SPAG16: variants seen among roughly 807,000 people sequenced by gnomAD.
SPAG16 encodes the protein sperm-associated antigen 16 protein.
SPAG16 carries 86 observed loss-of-function variants against 80.4 expected under a neutral mutation model. That is an observed-to-expected ratio of 1.07 (90% confidence interval 0.90 to 1.28). SPAG16 has a LOEUF of 1.28. Among genes scored for constraint, SPAG16 ranks in the 50% most tolerant of loss-of-function variants. SPAG16 has a pLI of 0.00. For missense variants in SPAG16, 870 were observed against 765.3 expected (o/e 1.14, Z -1.61); for synonymous variants, 294 against 265.9 (o/e 1.11, Z -1.03).
At chr2:213,920,921 C>T (rs543580003) in intron 11 of SPAG16, among the ~76,000 whole-genome samples, 222 of 152,318 alleles carry the variant, frequency 1.5e-3, no homozygotes, top group Middle Eastern at 0.01. Flanking sequence ...CTCAAGTATC[C>T]GTCATAGTTT....
intron 15 of SPAG16, among the ~76,000 whole-genome samples, chr2:214,350,205 T>G (rs1698306073): frequency 6.6e-6 from 1 of 152,248 alleles, no homozygotes; most frequent in African/African-American, 2.4e-5. Context: ...CTCTGAAACT[T>G]ATATCTTCCA....
At chr2:213,735,219 C>A (rs955683301) in intron 10 of SPAG16, among the ~76,000 whole-genome samples, 1 of 152,066 alleles carries the variant, frequency 6.6e-6, no homozygotes, top group African/African-American at 2.4e-5. Flanking sequence ...GGTGCTGGTT[C>A]TAGAGTCACA....
chr2:213,389,299 A>G (rs2067613030), intron 9 of SPAG16, among the ~76,000 whole-genome samples: 1 of 152,146 alleles, frequency 6.6e-6, no homozygotes, highest in Admixed American at 6.5e-5. Context: ...AAGACACAAA[A>G]CTATAAAACT....
At chr2:213,620,281 G>GTTTTTTTTTTT (rs36059669) in intron 10 of SPAG16, among the ~76,000 whole-genome samples, 3 of 82,802 alleles carry the variant, frequency 3.6e-5, no homozygotes, top group African/African-American at 1.6e-4. Context: ...AATTTATTGA[G>GTTTTTTTTTTT]TTTTTTTTTT....
intron 5 of SPAG16, among the ~76,000 whole-genome samples, chr2:213,324,280 C>A (rs1289112574): frequency 6.6e-6 from 1 of 152,012 alleles, no homozygotes; most frequent in Non-Finnish European, 1.5e-5. Context: ...ATAATTTTTA[C>A]AGTTATTTTT....
intron 9 of SPAG16, among the ~76,000 whole-genome samples, chr2:213,489,710 A>G (rs1355889405): frequency 3.9e-5 from 6 of 152,134 alleles, no homozygotes; most frequent in African/African-American, 1.4e-4. Flanking sequence ...TCAAATAGGG[A>G]GTATTTTCAA....
chr2:213,725,368 C>A (rs2066719845), intron 10 of SPAG16, among the ~76,000 whole-genome samples: 1 of 152,212 alleles, frequency 6.6e-6, no homozygotes, highest in Non-Finnish European at 1.5e-5. Context: ...CCTCACTAAT[C>A]TGATTCTTAG....
At chr2:213,845,462 C>T (rs575678649) in intron 10 of SPAG16, among the ~76,000 whole-genome samples, 1 of 152,150 alleles carries the variant, frequency 6.6e-6, no homozygotes, top group Non-Finnish European at 1.5e-5. Context: ...TCCCAAAGTG[C>T]TGGGATTACA....
chr2:214,321,004 G>A (rs554231594), intron 15 of SPAG16, among the ~76,000 whole-genome samples: 6 of 152,288 alleles, frequency 3.9e-5, no homozygotes, highest in South Asian at 4.1e-4. Flanking sequence ...GTAGAATCAC[G>A]TAAACATGTT....
intron 12 of SPAG16, among the ~76,000 whole-genome samples, chr2:213,965,774 A>G (rs1233572054): frequency 6.6e-6 from 1 of 152,222 alleles, no homozygotes; most frequent in Non-Finnish European, 1.5e-5. Flanking sequence ...GGGGACAGCT[A>G]CAAAGCTCTC....
At chr2:213,376,550 C>G (rs981463974) in intron 9 of SPAG16, among the ~76,000 whole-genome samples, 1 of 151,832 alleles carries the variant, frequency 6.6e-6, no homozygotes, top group East Asian at 1.9e-4. Context: ...TAGTATTTCT[C>G]TTAATTTTCT....
chr2:213,856,285 T>C (rs999346131), intron 10 of SPAG16, among the ~76,000 whole-genome samples: 2 of 152,186 alleles, frequency 1.3e-5, no homozygotes, highest in African/African-American at 4.8e-5. Context: ...CCCATAGCCT[T>C]GGGCAGCTCC....
At chr2:213,529,492 G>A (rs1461816536) in intron 10 of SPAG16, among the ~76,000 whole-genome samples, 2 of 152,154 alleles carry the variant, frequency 1.3e-5, no homozygotes, top group South Asian at 2.1e-4. Context: ...ACACACAGGG[G>A]TGCATCACTT....
chr2:214,171,498 C>A (rs1194335522), intron 15 of SPAG16, among the ~76,000 whole-genome samples: 1 of 151,896 alleles, frequency 6.6e-6, no homozygotes, highest in Non-Finnish European at 1.5e-5. Flanking sequence ...TTATTGAGGG[C>A]CTTTGACTCT....
At chr2:214,150,532 A>G (rs931248339) in intron 15 of SPAG16, among the ~76,000 whole-genome samples, 2 of 152,094 alleles carry the variant, frequency 1.3e-5, no homozygotes, top group Admixed American at 1.3e-4. Context: ...TATATAATCT[A>G]CATTGACACC....
chr2:213,797,842 G>C (rs143439287), intron 10 of SPAG16, among the ~76,000 whole-genome samples: 22 of 152,228 alleles, frequency 1.4e-4, no homozygotes, highest in Non-Finnish European at 3.1e-4. Context: ...ATAACTAGGA[G>C]TAGAGCTGCT....
chr2:213,826,623 C>T (rs1320010585), intron 10 of SPAG16, among the ~76,000 whole-genome samples: 2 of 151,800 alleles, frequency 1.3e-5, no homozygotes, highest in East Asian at 1.9e-4. Context: ...ATTATTTCAA[C>T]TTTTTGAATG....
chr2:213,670,715 C>T (rs1186022830), intron 10 of SPAG16, among the ~76,000 whole-genome samples: 2 of 152,194 alleles, frequency 1.3e-5, no homozygotes, highest in Non-Finnish European at 2.9e-5. Context: ...CTAATTTCTT[C>T]ACATTATGCA....
intron 10 of SPAG16, among the ~76,000 whole-genome samples, chr2:213,802,168 T>A (rs778270446): frequency 4.6e-5 from 7 of 152,134 alleles, no homozygotes; most frequent in Non-Finnish European, 8.8e-5. Context: ...ATGGACTTGA[T>A]GAGAGATGAT....
Sources: gnomAD v4.1 joint callset for allele counts (sites outside exome capture counted in the v4.1 genomes callset) on GRCh38, gnomAD v4.1.1 for gene constraint, MANE v1.5 for transcripts, NCBI Gene and HGNC (gene_info 2026-07-23, HGNC 2026-07-21) for gene names.